Variants in DSN1 observed in about 807,000 individuals in gnomAD.
DSN1 encodes the protein kinetochore-associated protein DSN1 homolog.
DSN1 carries 31 observed loss-of-function variants against 45.7 expected under a neutral mutation model. The observed-to-expected ratio is 0.68, with a 90% confidence interval of 0.51 to 0.92. The LOEUF (loss-of-function observed/expected upper bound fraction) is 0.92, where lower values mean the gene tolerates loss of function less well. Ranked by LOEUF, DSN1 falls within the 40% of genes least tolerant of loss-of-function variation. DSN1 has a pLI of 0.00. For missense variants in DSN1, 394 were observed against 414.2 expected (o/e 0.95, Z 0.42); for synonymous variants, 134 against 142.3 (o/e 0.94, Z 0.41).
rs535955214 is a variant in DSN1, at chr20:36,763,232, T to C, written c.503-684A>G. Among the ~76,000 whole-genome samples, 56 of 151,658 alleles carry C rather than the reference T, an allele frequency of 3.7e-4. 1 individual carries two copies. The South Asian group carries it at 0.011, about 30-fold the overall frequency. The stretch of plus-strand genomic sequence containing the variant: ...CAGCCAGGCCAACATGATGAAACCC[T>C]GTCTCTACTAAAAATACAAAAATAT... On this transcript the variant is annotated intron_variant, in intron 5 of 10. Coordinates refer to ENST00000373750, the MANE Select transcript of DSN1 (RefSeq NM_001145315.2).
chr20:36,754,642 A>G lies in DSN1; in HGVS notation c.961+121T>C, dbSNP rs1363562136. The G allele has an allele frequency of 8.8e-6, 6 of 685,480 alleles. No individual in the cohort carries two copies. The Admixed American group carries it at 1.7e-4, about 20-fold the overall frequency. 42.5% of individuals were successfully genotyped at this position (685,480 alleles called of 1,614,324 possible). A position where few individuals can be genotyped will look rare whatever the true frequency, so the allele number is the denominator to read the frequency against. Reference sequence around the variant, plus strand: ...AACATACTATTTATTGTGGGGAGAAAAACAAATCACCTCATATAGGTCTTA... The same window carrying G: ...AACATACTATTTATTGTGGGGAGAAGAACAAATCACCTCATATAGGTCTTA... On this transcript the variant is annotated intron_variant, in intron 10 of 10. Coordinates refer to ENST00000373750, the MANE Select transcript of DSN1 (RefSeq NM_001145315.2).
intron 4 of DSN1, 112 bp from the exon 5 acceptor site, chr20:36,766,953 G>T: frequency 1.6e-6 from 1 of 625,630 alleles, no homozygotes; most frequent in East Asian, 3.5e-5. Flanking sequence ...TAAATATGAT[G>T]TAATTTTTAC....
chr20:36,753,180 C>CAA (rs1385083412), intron 10 of DSN1, among the ~76,000 whole-genome samples: 59 of 83,098 alleles, frequency 7.1e-4, no homozygotes, highest in African/African-American at 1.9e-3. Context: ...CTTGTCTCTA[C>CAA]AAAAAAAAAA....
In DSN1 at chr20:36,771,089, C is replaced by T. The variant is rs1306197289; in HGVS notation, c.139G>A (p.Gly47Ser). 5.0e-6 allele frequency: 8 copies of T among 1,614,170 alleles called. No homozygotes were observed. The highest frequency in any genetic ancestry group is 1.6e-4 in the Middle Eastern group (1 of 6,062). Residue 47 changes from glycine (G) to serine (S), a missense_variant, in exon 3 of 11, where the codon GGC (glycine) becomes AGC (serine). Physicochemically the swap from Gly to Ser is moderately conservative, Grantham distance 56. Coordinates refer to ENST00000373750, the MANE Select transcript of DSN1 (RefSeq NM_001145315.2). ...AGGTGAATTCTTTCCTCTGAAACGC[C>T]TTGATTCATCTCCAGGGAGGCAGAT... The part of the protein sequence containing the change: ...KTSASLEMNQ[G>S]VSEERIHLGS...
intron 5 of DSN1, among the ~76,000 whole-genome samples, chr20:36,765,055 A>G (rs1987238924): frequency 6.6e-6 from 1 of 152,074 alleles, no homozygotes; most frequent in Non-Finnish European, 1.5e-5. Context: ...ATAGTAAGAA[A>G]ATCTAAAAGG....
At chr20:36,772,212 T>C (rs1299328790) in intron 1 of DSN1, among the ~76,000 whole-genome samples, 1 of 152,070 alleles carries the variant, frequency 6.6e-6, no homozygotes, top group African/African-American at 2.4e-5. Flanking sequence ...GGTCTCATAA[T>C]TTCTGGTCCC....
At chr20:36,768,919 A>T (rs927059721) in intron 3 of DSN1, among the ~76,000 whole-genome samples, 1 of 152,216 alleles carries the variant, frequency 6.6e-6, no homozygotes, top group Non-Finnish European at 1.5e-5. Context: ...TAATGACCTC[A>T]TAATAGCATT....
Position 36,752,080 on chromosome 20 carries a change from T to C in DSN1, c.*708A>G, listed in dbSNP as rs973883828. On this transcript the variant is annotated 3_prime_UTR_variant, in exon 11 of 11. Coordinates refer to ENST00000373750, the MANE Select transcript of DSN1 (RefSeq NM_001145315.2). ...CAATTTTTAATTTTTTTTAAGACAG[T>C]GTCTCACTCTGTCGCTCAGGCTGGA... is the stretch of plus-strand genomic sequence containing the variant. 1 of 151,812 alleles carries C rather than the reference T, an allele frequency of 6.6e-6. No individual in the cohort carries two copies. Among genetic ancestry groups the C allele is most frequent in the East Asian group, 1.9e-4 (1 of 5,152 alleles). 9.4% of individuals were successfully genotyped at this position (151,812 alleles called of 1,614,324 possible).
chr20:36,764,829 AGACTC>A (rs1383028244), intron 5 of DSN1, among the ~76,000 whole-genome samples: 17 of 152,156 alleles, frequency 1.1e-4, no homozygotes, highest in Non-Finnish European at 2.1e-4. Context: ...CTGAGGCAGA[AGACTC>A]GCTTGAACCC....
intron 5 of DSN1, among the ~76,000 whole-genome samples, chr20:36,766,447 C>A (rs1251316671): frequency 6.6e-6 from 1 of 151,822 alleles, no homozygotes; most frequent in Non-Finnish European, 1.5e-5. Flanking sequence ...GTGGGCAGAT[C>A]ACTGAGGTCA....
At chr20:36,770,297 T>C (rs1241856400) in intron 3 of DSN1, among the ~76,000 whole-genome samples, 1 of 152,078 alleles carries the variant, frequency 6.6e-6, no homozygotes, top group Non-Finnish European at 1.5e-5. Flanking sequence ...CTCAAACTCC[T>C]GGACTCAAGC....
chr20:36,757,494 G>C lies in DSN1; in HGVS notation c.725+593C>G, dbSNP rs140393066. 4.8e-3 allele frequency among the ~76,000 whole-genome samples: 727 copies of C among 152,248 alleles called. 4 individuals carry two copies. Among genetic ancestry groups the C allele is most frequent in the African/African-American group, 0.017 (694 of 41,540 alleles). On this transcript the variant is annotated intron_variant, in intron 8 of 10. Transcript: ENST00000373750. ...CTCAGGAGGCTGAGGCAGGAAAATT[G>C]CTTGAACCCGGGAGGCAGAGTGAGC...
intron 3 of DSN1, among the ~76,000 whole-genome samples, chr20:36,770,229 G>A (rs1024183394): frequency 3.9e-5 from 6 of 151,994 alleles, no homozygotes; most frequent in Admixed American, 2.0e-4. Flanking sequence ...ACCATGCCCT[G>A]CTATTTTTTT....
intron 10 of DSN1, 51 bp downstream of exon 10, chr20:36,754,712 G>T: frequency 6.6e-7 from 1 of 1,510,592 alleles, no homozygotes. Flanking sequence ...TATCCCAAAG[G>T]CTATCATGGA....
chr20:36,762,671 C>A (rs1256460777), intron 5 of DSN1, 123 bp from the exon 6 acceptor site: 2 of 733,334 alleles, frequency 2.7e-6, no homozygotes, highest in East Asian at 6.1e-5. Context: ...GTCCTCAAGC[C>A]CACCCAAAAG....
At chr20:36,753,522 C>A (rs1455289496) in intron 10 of DSN1, among the ~76,000 whole-genome samples, 1 of 150,554 alleles carries the variant, frequency 6.6e-6, no homozygotes, top group Non-Finnish European at 1.5e-5. Flanking sequence ...CCTGTAATCC[C>A]AGCTACTCAG....
intron 5 of DSN1, among the ~76,000 whole-genome samples, chr20:36,765,247 T>TAAAAAAAAAAA (rs33998027): frequency 6.6e-5 from 5 of 75,278 alleles, no homozygotes; most frequent in African/African-American, 2.9e-4. Flanking sequence ...AGGCTTGTGT[T>TAAAAAAAAAAA]AAAAAAAAAA....
In DSN1 at chr20:36,755,931, A is replaced by G. The variant is rs183801856; in HGVS notation, c.726-102T>C. The stretch of plus-strand genomic sequence containing the variant: ...AGCTGAATCAGTATTCCTCCACTCT[A>G]CGCTAGCTATAGGCTCACTTCTTAA... On this transcript the variant is annotated intron_variant, in intron 8 of 10. Coordinates refer to ENST00000373750, the MANE Select transcript of DSN1 (RefSeq NM_001145315.2). 2.7e-4 allele frequency: 363 copies of G among 1,332,464 alleles called. 1 individual carries two copies. Among genetic ancestry groups the G allele is most frequent in the Non-Finnish European group, 2.2e-5 (21 of 970,212 alleles). The allele number at this position is 1,332,464 out of a possible 1,614,324, so 82.5% of individuals were successfully genotyped here.
Position 36,758,459 on chromosome 20 carries a change from G to C in DSN1, c.650+99C>G, listed in dbSNP as rs1046244422. 4 of 1,053,732 alleles carry C rather than the reference G, an allele frequency of 3.8e-6. No individual in the cohort carries two copies. In the East Asian group the frequency reaches 9.9e-5, roughly 26 times the overall value. 65.3% of individuals were successfully genotyped at this position (1,053,732 alleles called of 1,614,324 possible). Reference sequence around the variant, plus strand: ...CTTCTAGTATTGATGCACTAATGCTGACTCTCCAAATACAATGCTTACTAT... The same window carrying C: ...CTTCTAGTATTGATGCACTAATGCTCACTCTCCAAATACAATGCTTACTAT... On this transcript the variant is annotated intron_variant, in intron 7 of 10. Coordinates refer to ENST00000373750, the MANE Select transcript of DSN1 (RefSeq NM_001145315.2).
Sources: gnomAD v4.1 joint callset for allele counts (sites outside exome capture counted in the v4.1 genomes callset) on GRCh38, gnomAD v4.1.1 for gene constraint, MANE v1.5 for transcripts, NCBI Gene and HGNC (gene_info 2026-07-23, HGNC 2026-07-21) for gene names.